The following SNTG1 variants were observed in gnomAD, a reference collection of about 807,000 sequenced individuals.
SNTG1 encodes the protein syntrophin gamma 1.
In SNTG1, 39 loss-of-function variants were observed where a neutral mutation model predicts 74.7. The observed-to-expected ratio is 0.52, with a 90% CI of 0.40 to 0.68. The LOEUF (loss-of-function observed/expected upper bound fraction) is 0.68, where lower values mean the gene tolerates loss of function less well. SNTG1 is among the 30% of genes least tolerant of loss of function. SNTG1 has a pLI of 0.00. For synonymous variants in SNTG1, 254 were observed against 217.1 expected (o/e 1.17, Z -1.49); for missense variants, 685 against 609.5 (o/e 1.12, Z -1.30).
At chr8:50,116,498 A>T (rs1269956166) in intron 1 of SNTG1, among the ~76,000 whole-genome samples, 1 of 152,186 alleles carries the variant, frequency 6.6e-6, no homozygotes, top group Non-Finnish European at 1.5e-5. Flanking sequence ...AATGGACTTT[A>T]AAACCACATA....
At chr8:50,157,268 A>C (rs2082281767) in intron 1 of SNTG1, among the ~76,000 whole-genome samples, 1 of 152,108 alleles carries the variant, frequency 6.6e-6, no homozygotes, top group South Asian at 2.1e-4. Context: ...ATGATGATGA[A>C]AATCAGAAGA....
At chr8:50,422,431 G>T (rs1002918385) in intron 4 of SNTG1, among the ~76,000 whole-genome samples, 1 of 152,060 alleles carries the variant, frequency 6.6e-6, no homozygotes, top group African/African-American at 2.4e-5. Context: ...AAATACCAAA[G>T]AACATTTACT....
chr8:50,605,212 G>A (rs2094804393), intron 13 of SNTG1, among the ~76,000 whole-genome samples: 1 of 152,176 alleles, frequency 6.6e-6, no homozygotes, highest in Non-Finnish European at 1.5e-5. Flanking sequence ...TGAGGTTAGG[G>A]GAGGGGTGGT....
intron 1 of SNTG1, among the ~76,000 whole-genome samples, chr8:49,915,654 G>A (rs539432916): frequency 1.3e-5 from 2 of 152,142 alleles, no homozygotes; most frequent in South Asian, 4.1e-4. Flanking sequence ...TAATTTTCTA[G>A]TTTATAAAGG....
chr8:49,963,955 G>A (rs1424921095), intron 1 of SNTG1, among the ~76,000 whole-genome samples: 1 of 152,136 alleles, frequency 6.6e-6, no homozygotes, highest in Non-Finnish European at 1.5e-5. Flanking sequence ...AAAATAGCTT[G>A]CATCAAATCC....
At chr8:50,358,068 T>A (rs2091866354) in intron 2 of SNTG1, among the ~76,000 whole-genome samples, 1 of 152,138 alleles carries the variant, frequency 6.6e-6, no homozygotes, top group Non-Finnish European at 1.5e-5. Flanking sequence ...ATAATGTGAA[T>A]CTCTTCCAAA....
At chr8:50,160,082 G>A (rs2082368899) in intron 1 of SNTG1, among the ~76,000 whole-genome samples, 3 of 152,158 alleles carry the variant, frequency 2.0e-5, no homozygotes, top group African/African-American at 7.2e-5. Context: ...ATTGAGTAAT[G>A]TGTTTGTTGG....
intron 1 of SNTG1, among the ~76,000 whole-genome samples, chr8:50,163,196 G>C (rs1226240877): frequency 1.3e-5 from 2 of 152,112 alleles, no homozygotes; most frequent in Admixed American, 1.3e-4. Flanking sequence ...CCTCAACTCA[G>C]CCAGTTATTC....
intron 13 of SNTG1, among the ~76,000 whole-genome samples, chr8:50,645,781 G>A (rs1376530433): frequency 6.6e-6 from 1 of 152,002 alleles, no homozygotes; most frequent in Non-Finnish European, 1.5e-5. Flanking sequence ...TTTGCCTCAT[G>A]TTTTTCTCTA....
upstream of SNTG1, chr8:49,910,876 T>G (rs891826347): frequency 2.6e-5 from 4 of 152,336 alleles, no homozygotes; most frequent in Non-Finnish European, 5.9e-5. Flanking sequence ...TAAGCCGTTT[T>G]CTGCCCCCAC....
intron 1 of SNTG1, among the ~76,000 whole-genome samples, chr8:50,065,883 A>C (rs964115565): frequency 6.6e-6 from 1 of 152,186 alleles, no homozygotes; most frequent in Non-Finnish European, 1.5e-5. Flanking sequence ...GACTAAGTCT[A>C]TGGCACCTCC....
intron 8 of SNTG1, among the ~76,000 whole-genome samples, chr8:50,460,541 A>T (rs1022305985): frequency 6.6e-6 from 1 of 152,072 alleles, no homozygotes; most frequent in African/African-American, 2.4e-5. Flanking sequence ...TTGAGGACTT[A>T]GTTATAAATT....
chr8:50,709,250 G>T, intron 17 of SNTG1: 1 of 397,380 alleles, frequency 2.5e-6, no homozygotes, highest in Non-Finnish European at 4.4e-6. Context: ...TCATTTCCCT[G>T]TTTTTTAAAG....
intron 1 of SNTG1, among the ~76,000 whole-genome samples, chr8:50,108,170 T>G (rs2080452113): frequency 6.6e-6 from 1 of 152,194 alleles, no homozygotes; most frequent in Non-Finnish European, 1.5e-5. Context: ...CATCATTTAC[T>G]AACTAAATAG....
intron 1 of SNTG1, among the ~76,000 whole-genome samples, chr8:49,974,596 G>A (rs1179962198): frequency 1.3e-5 from 2 of 152,116 alleles, no homozygotes; most frequent in African/African-American, 4.8e-5. Flanking sequence ...GAAGAACATA[G>A]TCCTCACGTG....
chr8:50,258,042 T>G (rs770697406), intron 2 of SNTG1, among the ~76,000 whole-genome samples: 1 of 152,226 alleles, frequency 6.6e-6, no homozygotes, highest in African/African-American at 2.4e-5. Flanking sequence ...AGCAGTAATA[T>G]GTCCTCTGAG....
At chr8:49,940,731 A>G (rs933163903) in intron 1 of SNTG1, among the ~76,000 whole-genome samples, 3 of 152,194 alleles carry the variant, frequency 2.0e-5, no homozygotes, top group Non-Finnish European at 2.9e-5. Context: ...CAGAACTTGT[A>G]GTCAGATGGT....
intron 1 of SNTG1, among the ~76,000 whole-genome samples, chr8:50,123,352 G>A (rs971031877): frequency 7.0e-6 from 1 of 142,364 alleles, no homozygotes; most frequent in Non-Finnish European, 1.6e-5. Context: ...GTTCCTGAAA[G>A]GAGAATGGAG....
At chr8:50,570,591 G>GTTGTTATTATTATTA (rs137977278) in intron 12 of SNTG1, among the ~76,000 whole-genome samples, 1,437 of 130,112 alleles carry the variant, frequency 0.011, 27 homozygotes, top group African/African-American at 0.04. Context: ...TATTATTGTT[G>GTTGTTATTATTATTA]TTATTATTAT....
Sources: allele counts gnomAD v4.1 joint callset (sites outside exome capture counted in the v4.1 genomes callset), GRCh38; gene constraint gnomAD v4.1.1; transcripts MANE v1.5; gene names NCBI Gene and HGNC (gene_info 2026-07-23, HGNC 2026-07-21).